The following GPC5 variants were observed in gnomAD, a reference collection of about 807,000 sequenced individuals.
GPC5 encodes the protein glypican-5.
GPC5 carries 47 observed loss-of-function variants against 53.9 expected under a neutral mutation model. The observed-to-expected ratio is 0.87, with a 90% CI of 0.69 to 1.11. GPC5 has a LOEUF of 1.11. GPC5 is among the 50% of genes most tolerant of loss of function. The pLI, the probability that GPC5 is intolerant of heterozygous loss-of-function variation, is 0.00. For synonymous variants in GPC5, 286 were observed against 263.3 expected, an observed-to-expected ratio of 1.09 and a Z score of -0.84; for missense variants, 748 against 713.1, an observed-to-expected ratio of 1.05 and a Z score of -0.56.
intron 5 of GPC5, among the ~76,000 whole-genome samples, chr13:91,869,494 T>C (rs899973084): frequency 2.0e-5 from 3 of 152,222 alleles, no homozygotes; most frequent in African/African-American, 7.2e-5. Flanking sequence ...ATAACTTTAT[T>C]TGCTATTGAA....
At chr13:91,862,079 TA>T (rs1403682882) in intron 5 of GPC5, among the ~76,000 whole-genome samples, 2 of 152,196 alleles carry the variant, frequency 1.3e-5, no homozygotes, top group South Asian at 2.1e-4. Flanking sequence ...AATTGAACGA[TA>T]AAAAAAGTAT....
At chr13:92,360,695 T>C (rs1383539720) in intron 7 of GPC5, among the ~76,000 whole-genome samples, 1 of 151,680 alleles carries the variant, frequency 6.6e-6, no homozygotes. Context: ...ACCATCCTTG[T>C]TTGCAAATGA....
intron 7 of GPC5, among the ~76,000 whole-genome samples, chr13:92,694,252 G>A (rs536122205): frequency 6.6e-6 from 1 of 152,294 alleles, no homozygotes; most frequent in South Asian, 2.1e-4. Flanking sequence ...TGTGTAGGTT[G>A]TTTCTCCTAA....
intron 6 of GPC5, among the ~76,000 whole-genome samples, chr13:91,974,799 C>T (rs1187371492): frequency 6.6e-6 from 1 of 152,056 alleles, no homozygotes; most frequent in East Asian, 1.9e-4. Context: ...CAAAAAAGAG[C>T]CCACAATGCC....
At chr13:92,549,362 C>A (rs1029808547) in intron 7 of GPC5, among the ~76,000 whole-genome samples, 4 of 152,052 alleles carry the variant, frequency 2.6e-5, no homozygotes, top group South Asian at 4.1e-4. Flanking sequence ...TATGAAAGAT[C>A]TTTATTTCCT....
Position 92,750,520 on chromosome 13 carries a change from A to AAAAG in GPC5, c.1562-115758_1562-115755dup, listed in dbSNP as rs1452425202. Among the ~76,000 whole-genome samples the AAAAG allele has an allele frequency of 5.3e-5, 8 of 152,208 alleles. 1 individual carries two copies. The highest frequency in any genetic ancestry group is 1.2e-4 in the Non-Finnish European group (8 of 68,044). ...CAATAAGCCTGAAGAGGCATAAGAA[A>AAAAG]AAAGAAAATAGATTATGTGCAGCTA... On this transcript the variant is annotated intron_variant, in intron 7 of 7. Coordinates refer to ENST00000377067, the MANE Select transcript of GPC5 (RefSeq NM_004466.6).
intron 6 of GPC5, among the ~76,000 whole-genome samples, chr13:92,138,200 G>A (rs1429244121): frequency 6.6e-6 from 1 of 152,120 alleles, no homozygotes; most frequent in African/African-American, 2.4e-5. Context: ...TGTCTAATAC[G>A]ATTGATATTC....
rs772288697 is a variant in GPC5 at position 91,584,237 on chromosome 13, G to GT, written c.326-108941dup. ...TTTCTGTTGTTTAAGAAATTGTTAAGTTTTTTTTTGCGAAGTTACAGTAAA... is the reference window on the plus strand; with the variant it reads ...TTTCTGTTGTTTAAGAAATTGTTAAGTTTTTTTTTTGCGAAGTTACAGTAAA... On this transcript the variant is annotated intron_variant, in intron 2 of 7. Transcript: ENST00000377067. Among the ~76,000 whole-genome samples the GT allele has an allele frequency of 1.7e-4, 25 of 151,444 alleles. 1 individual carries two copies. The highest frequency in any genetic ancestry group is 6.9e-3 in the Middle Eastern group (2 of 290).
chr13:91,706,328 T>G (rs1215417512), intron 3 of GPC5, among the ~76,000 whole-genome samples: 1 of 152,148 alleles, frequency 6.6e-6, no homozygotes, highest in Admixed American at 6.5e-5. Context: ...ATTTGCCTGA[T>G]TGAGAAAACA....
chr13:92,300,230 C>A (rs2043066305), intron 7 of GPC5, among the ~76,000 whole-genome samples: 2 of 152,076 alleles, frequency 1.3e-5, no homozygotes, highest in South Asian at 4.1e-4. Flanking sequence ...TTCCTAAAGA[C>A]CTACATTGCA....
At chr13:92,864,212 A>T (rs1879272620) in intron 7 of GPC5, among the ~76,000 whole-genome samples, 1 of 152,172 alleles carries the variant, frequency 6.6e-6, no homozygotes, top group Non-Finnish European at 1.5e-5. Flanking sequence ...AAGATCTTGA[A>T]TTCTTTTCAC....
chr13:92,794,123 C>T (rs752509376), intron 7 of GPC5, among the ~76,000 whole-genome samples: 9 of 152,036 alleles, frequency 5.9e-5, no homozygotes, highest in Non-Finnish European at 2.9e-5. Context: ...AACAACAAAG[C>T]GAAAATCCTC....
chr13:91,981,237 A>C (rs555457277), intron 6 of GPC5, among the ~76,000 whole-genome samples: 1 of 151,954 alleles, frequency 6.6e-6, no homozygotes, highest in South Asian at 2.1e-4. Context: ...CTACACAGTG[A>C]TGTGTTGATA....
chr13:91,504,584 A>C (rs1397655933), intron 2 of GPC5, among the ~76,000 whole-genome samples: 1 of 152,212 alleles, frequency 6.6e-6, no homozygotes, highest in East Asian at 1.9e-4. Context: ...TGTTATGCAG[A>C]GTGGTGGAAA....
intron 7 of GPC5, among the ~76,000 whole-genome samples, chr13:92,185,102 C>T (rs1216086178): frequency 1.3e-5 from 2 of 151,936 alleles, no homozygotes; most frequent in Non-Finnish European, 2.9e-5. Context: ...GCACTGAGTC[C>T]CATTGTTTAT....
At chr13:92,149,588 G>T (rs1443412653) in intron 7 of GPC5, among the ~76,000 whole-genome samples, 1 of 151,994 alleles carries the variant, frequency 6.6e-6, no homozygotes, top group African/African-American at 2.4e-5. Context: ...ACCTAGGAAA[G>T]AGAATAGTAT....
chr13:92,365,445 T>C (rs1200867550), intron 7 of GPC5, among the ~76,000 whole-genome samples: 1 of 151,660 alleles, frequency 6.6e-6, no homozygotes, highest in Non-Finnish European at 1.5e-5. Context: ...CCTAGGACAC[T>C]ACACTAGACT....
chr13:92,270,934 T>C (rs2042835360), intron 7 of GPC5, among the ~76,000 whole-genome samples: 1 of 152,238 alleles, frequency 6.6e-6, no homozygotes, highest in African/African-American at 2.4e-5. Flanking sequence ...TATTTTATTT[T>C]TGTTGGCTTA....
chr13:92,013,574 A>G (rs1214372395), intron 6 of GPC5, among the ~76,000 whole-genome samples: 1 of 152,192 alleles, frequency 6.6e-6, no homozygotes, highest in Non-Finnish European at 1.5e-5. Flanking sequence ...GAGCGAGCAA[A>G]CAGGAATAGA....
Sources: allele counts gnomAD v4.1 joint callset (sites outside exome capture counted in the v4.1 genomes callset), GRCh38; gene constraint gnomAD v4.1.1; transcripts MANE v1.5; gene names NCBI Gene and HGNC (gene_info 2026-07-23, HGNC 2026-07-21).